Variants in USPL1 observed in about 807,000 individuals in gnomAD.
The protein encoded by USPL1 is ubiquitin specific peptidase like 1.
A neutral mutation model predicts 51.5 loss-of-function variants in USPL1; 27 were observed. The ratio of observed to expected loss-of-function variants is 0.52; its 90% confidence interval spans 0.39 to 0.72. The LOEUF is 0.72. USPL1 is among the 30% of genes least tolerant of loss of function. The pLI, the probability that USPL1 is intolerant of heterozygous loss-of-function variation, is 0.00. For missense variants in USPL1, 1,226 were observed against 1,268.0 expected, an observed-to-expected ratio of 0.97 and a Z score of 0.50; for synonymous variants, 451 against 459.6, an observed-to-expected ratio of 0.98 and a Z score of 0.24.
chr13:30,656,197 T>C (rs182308134), intron 8 of USPL1, among the ~76,000 whole-genome samples: 66 of 152,352 alleles, frequency 4.3e-4, no homozygotes, highest in Non-Finnish European at 8.1e-4. Context: ...GCCGTACTTT[T>C]TGTATTTTTT....
Position 30,657,395 on chromosome 13 carries a change from A to T in USPL1, c.1397-79A>T, listed in dbSNP as rs148804114. 2.2e-6 allele frequency: 3 copies of T among 1,394,562 alleles called. No homozygotes were observed. In the African/African-American group the frequency reaches 4.4e-5, roughly 20 times the overall value. The allele number at this position is 1,394,562 out of a possible 1,614,324, so 86.4% of individuals were successfully genotyped here. A position where few individuals can be genotyped will look rare whatever the true frequency, so the allele number is the denominator to read the frequency against. On this transcript the variant is annotated intron_variant, in intron 8 of 8. Coordinates refer to ENST00000255304, the MANE Select transcript of USPL1 (RefSeq NM_005800.5). The stretch of plus-strand genomic sequence containing the variant: ...TTTGGTCGGTATTCAATGATACAAC[A>T]GTTGAAAAGGCCAGAAGAAAGTTAA...
At chr13:30,620,084 C>A (rs1950628297) in intron 1 of USPL1, among the ~76,000 whole-genome samples, 1 of 152,202 alleles carries the variant, frequency 6.6e-6, no homozygotes. Context: ...CCGATACTTT[C>A]TTTAAAAAGC....
chr13:30,626,852 CT>C (rs1042238685), intron 3 of USPL1, among the ~76,000 whole-genome samples: 1 of 151,186 alleles, frequency 6.6e-6, no homozygotes. Flanking sequence ...TTTAATTAGT[CT>C]TTTTTAAAAA....
intron 3 of USPL1, among the ~76,000 whole-genome samples, chr13:30,625,101 A>G (rs542888144): frequency 4.5e-4 from 69 of 152,196 alleles, no homozygotes; most frequent in Admixed American, 9.2e-4. Flanking sequence ...TTCCCTTTGG[A>G]CTAGTTGAAG....
intron 7 of USPL1, among the ~76,000 whole-genome samples, chr13:30,652,098 T>A (rs1370355654): frequency 6.6e-6 from 1 of 152,248 alleles, no homozygotes; most frequent in Admixed American, 6.5e-5. Flanking sequence ...ATATGTGAAA[T>A]TGATGTCATG....
chr13:30,625,444 G>GTTT (rs926283215), intron 3 of USPL1, among the ~76,000 whole-genome samples: 31 of 118,936 alleles, frequency 2.6e-4, no homozygotes, highest in Non-Finnish European at 3.5e-4. Flanking sequence ...TTTGTTTTTT[G>GTTT]TTTTTTTTTT....
chr13:30,622,139 C>T (rs1950654917), intron 3 of USPL1, among the ~76,000 whole-genome samples: 1 of 150,192 alleles, frequency 6.7e-6, no homozygotes. Context: ...AGGTTTTTTT[C>T]TTTTTTTTTA....
chr13:30,638,286 C>T (rs554244770), intron 5 of USPL1, among the ~76,000 whole-genome samples: 1 of 152,286 alleles, frequency 6.6e-6, no homozygotes, highest in African/African-American at 2.4e-5. Context: ...AGAAACCCCA[C>T]ATGATTGTTA....
intron 3 of USPL1, among the ~76,000 whole-genome samples, chr13:30,625,878 A>T (rs2031276): frequency 6.6e-6 from 1 of 152,062 alleles, no homozygotes; most frequent in Non-Finnish European, 1.5e-5. Context: ...ATTTCTAGTC[A>T]GCAATGAGAG....
Position 30,659,500 on chromosome 13 carries a change from T to C in USPL1, c.*144T>C. On this transcript the variant is annotated 3_prime_UTR_variant, in exon 9 of 9. Transcript: ENST00000255304. ...AAATGCAAGGTTTAACCTTTGGTTC[T>C]GCCCATGAAGCATGTAATCTTTCTT... 4.2e-6 allele frequency: 3 copies of C among 714,556 alleles called. No homozygotes were observed. Among genetic ancestry groups the C allele is most frequent in the Non-Finnish European group, 6.5e-6 (3 of 462,300 alleles). The allele number at this position is 714,556 out of a possible 1,614,324, so 44.3% of individuals were successfully genotyped here.
chr13:30,650,444 G>A (rs887849879), intron 7 of USPL1, among the ~76,000 whole-genome samples: 1 of 151,946 alleles, frequency 6.6e-6, no homozygotes, highest in Admixed American at 6.6e-5. Flanking sequence ...GGATATGGTG[G>A]CACATGCCTA....
chr13:30,636,674 A>T (rs546466830), intron 4 of USPL1, among the ~76,000 whole-genome samples: 1 of 152,380 alleles, frequency 6.6e-6, no homozygotes, highest in Admixed American at 6.5e-5. Context: ...GGTATTTATC[A>T]CAATAGTATT....
rs771382309 is a variant in USPL1 at position 30,659,577 on chromosome 13, G to T, written c.*221G>T. The T allele has an allele frequency of 4.5e-6, 2 of 443,346 alleles. No individual in the cohort carries two copies. Among genetic ancestry groups the T allele is most frequent in the Non-Finnish European group, 7.8e-6 (2 of 256,968 alleles). The allele number at this position is 443,346 out of a possible 1,614,324, so 27.5% of individuals were successfully genotyped here. ...TCCTTTTTGGTTTCATTTTGTTCTT[G>T]TGAGAGTATGAGGATTTCAAAATGT... On this transcript the variant is annotated 3_prime_UTR_variant, in exon 9 of 9. Coordinates refer to ENST00000255304, the MANE Select transcript of USPL1 (RefSeq NM_005800.5).
rs1267820110 is a variant in USPL1, at chr13:30,658,981, T to C, written c.2904T>C (p.His968=). 6.2e-7 allele frequency: 1 copy of C among 1,614,176 alleles called. No homozygotes were observed. The highest frequency in any genetic ancestry group is 8.5e-7 in the Non-Finnish European group (1 of 1,180,034). ...PGVSLYSSQT[H]EEILAELLSP... ...TTTCCCTGTACAGTAGTCAAACTCATGAAGAAATTTTAGCGGAATTATTGT... is the reference window on the plus strand; with the variant it reads ...TTTCCCTGTACAGTAGTCAAACTCACGAAGAAATTTTAGCGGAATTATTGT... The change falls in exon 9 of 9, where the codon CAT becomes CAC. Residue 968 remains histidine, a synonymous_variant. Coordinates refer to ENST00000255304, the MANE Select transcript of USPL1 (RefSeq NM_005800.5).
At chr13:30,644,737 C>T (rs763483466) in intron 6 of USPL1, among the ~76,000 whole-genome samples, 8 of 152,112 alleles carry the variant, frequency 5.3e-5, no homozygotes, top group Non-Finnish European at 1.2e-4. Context: ...GAAAAATCCA[C>T]GTCCCCTCTC....
intron 3 of USPL1, among the ~76,000 whole-genome samples, chr13:30,623,504 A>G (rs964293589): frequency 1.2e-4 from 19 of 152,012 alleles, no homozygotes; most frequent in Admixed American, 7.9e-4. Context: ...GAGATTAGTT[A>G]TAGTATAATA....
Position 30,658,549 on chromosome 13 carries a change from C to G in USPL1, c.2472C>G (p.Pro824=). The change falls in exon 9 of 9, where the codon CCC becomes CCG. Residue 824 remains proline, a synonymous_variant. Transcript: ENST00000255304. ...KARKSASKPP[P]ISKPPAGPPS... is the part of the protein sequence containing the mutation. ...GTAAGAGTGCAAGTAAGCCTCCTCC[C>G]ATCAGTAAGCCACCAGCAGGCCCTC... 1 of 1,614,066 alleles carries G rather than the reference C, an allele frequency of 6.2e-7. No individual in the cohort carries two copies. The highest frequency in any genetic ancestry group is 1.3e-5 in the African/African-American group (1 of 75,044).
rs1951227397 is a variant in USPL1 at position 30,659,505 on chromosome 13, A to G, written c.*149A>G. The G allele has an allele frequency of 1.0e-5, 7 of 670,264 alleles. No individual in the cohort carries two copies. Among genetic ancestry groups the G allele is most frequent in the Admixed American group, 1.0e-4 (3 of 29,026 alleles). 41.5% of individuals were successfully genotyped at this position (670,264 alleles called of 1,614,324 possible). On this transcript the variant is annotated 3_prime_UTR_variant, in exon 9 of 9. Coordinates refer to ENST00000255304, the MANE Select transcript of USPL1 (RefSeq NM_005800.5). ...CAAGGTTTAACCTTTGGTTCTGCCCATGAAGCATGTAATCTTTCTTACACA... is the reference window on the plus strand; with the variant it reads ...CAAGGTTTAACCTTTGGTTCTGCCCGTGAAGCATGTAATCTTTCTTACACA...
intron 4 of USPL1, among the ~76,000 whole-genome samples, chr13:30,634,090 C>T (rs548453574): frequency 6.6e-6 from 1 of 152,160 alleles, no homozygotes; most frequent in Non-Finnish European, 1.5e-5. Flanking sequence ...AAGCATTTTA[C>T]AGCTTCTCTT....
Sources: gnomAD v4.1 joint callset for allele counts (sites outside exome capture counted in the v4.1 genomes callset) on GRCh38, gnomAD v4.1.1 for gene constraint, MANE v1.5 for transcripts, NCBI Gene and HGNC (gene_info 2026-07-23, HGNC 2026-07-21) for gene names.